The following ELAC1 variants were observed in gnomAD, a reference collection of about 807,000 sequenced individuals.
ELAC1 encodes the protein zinc phosphodiesterase ELAC protein 1.
Under a neutral mutation model 25.8 loss-of-function variants are expected in ELAC1, and 19 were observed. The observed-to-expected ratio is 0.74, with a 90% confidence interval of 0.51 to 1.08. ELAC1 has a LOEUF of 1.08. Among genes scored for constraint, ELAC1 ranks in the 50% least tolerant of loss-of-function variants. The pLI, the probability that ELAC1 is intolerant of heterozygous loss-of-function variation, is 0.00. For missense variants in ELAC1, 403 were observed against 434.6 expected (o/e 0.93, Z 0.65); for synonymous variants, 148 against 160.9 (o/e 0.92, Z 0.61).
At chr18:50,986,582 A>G in intron 3 of ELAC1, 37 bp from the exon 4 acceptor site, 1 of 1,480,498 alleles carries the variant, frequency 6.8e-7, no homozygotes, top group Non-Finnish European at 9.2e-7. Flanking sequence ...CATAAATTCC[A>G]TTCCTATGAT....
chr18:50,986,567 A>AAAG, intron 3 of ELAC1, 52 bp from the exon 4 acceptor site: 2 of 1,409,708 alleles, frequency 1.4e-6, no homozygotes, highest in South Asian at 2.7e-5. Context: ...AGACTCTTGA[A>AAAG]AAGTCATAAA....
chr18:50,986,899 G>A lies in ELAC1; in HGVS notation c.906G>A (p.Lys302=), dbSNP rs1294956245. 6.2e-7 allele frequency: 1 copy of A among 1,613,898 alleles called. No homozygotes were observed. The highest frequency in any genetic ancestry group is 1.1e-5 in the South Asian group (1 of 91,068). ...STPQMAATFA[K]LCRAKRLVLT... is the part of the protein sequence containing the mutation. The stretch of plus-strand genomic sequence containing the variant: ...CACAGATGGCAGCAACATTTGCAAA[G>A]TTGTGCCGTGCAAAGAGGCTGGTTC... Residue 302 remains lysine, a synonymous_variant, in exon 4 of 4, where the codon AAG becomes AAA. Transcript: ENST00000269466.
At chr18:50,981,334 T>G (rs1055566396) in intron 2 of ELAC1, among the ~76,000 whole-genome samples, 3 of 152,100 alleles carry the variant, frequency 2.0e-5, no homozygotes, top group Admixed American at 2.0e-4. Context: ...TATGGGAGTG[T>G]GTGTGTGTGT....
chr18:50,985,987 G>A (rs76321203), intron 3 of ELAC1, among the ~76,000 whole-genome samples: 30 of 124,802 alleles, frequency 2.4e-4, no homozygotes, highest in African/African-American at 8.3e-4. Flanking sequence ...GTAGGTACTT[G>A]TTTTGACTAG....
intron 2 of ELAC1, among the ~76,000 whole-genome samples, chr18:50,979,218 G>T (rs1907875106): frequency 6.6e-6 from 1 of 152,140 alleles, no homozygotes; most frequent in Admixed American, 6.5e-5. Flanking sequence ...AAATTTAGTG[G>T]CTTATTTGCA....
intron 3 of ELAC1, among the ~76,000 whole-genome samples, 156 bp from the exon 4 acceptor site, chr18:50,986,463 T>A (rs1298167030): frequency 6.6e-6 from 1 of 152,094 alleles, no homozygotes; most frequent in African/African-American, 2.4e-5. Flanking sequence ...ACTGAAATTT[T>A]AAAAATGTAT....
chr18:50,968,992 G>A (rs10163789), intron 1 of ELAC1: 140,830 of 152,300 alleles, frequency 0.92, 65,250 homozygotes, highest in African/African-American at 0.98. Context: ...GTAGTATTTT[G>A]AAGCAAATCT....
intron 1 of ELAC1, 114 bp from the exon 2 acceptor site, chr18:50,974,283 C>T (rs1385779892): frequency 1.1e-6 from 1 of 920,338 alleles, no homozygotes. Context: ...TATGAGAGAC[C>T]AAGAATCCAG....
chr18:50,971,910 GTGTATATA>G (rs1321718334), intron 1 of ELAC1, among the ~76,000 whole-genome samples: 38 of 64,172 alleles, frequency 5.9e-4, no homozygotes, highest in East Asian at 4.7e-3. Flanking sequence ...GTGTGTGTGT[GTGTATATA>G]TATATATATA....
At position 50,981,834 on chromosome 18, in the gene ELAC1, G is replaced by A. The variant is rs117729536; in HGVS notation, c.158-2262G>A. Among the ~76,000 whole-genome samples the A allele has an allele frequency of 7.8e-3, 1,168 of 149,988 alleles. 6 individuals carry two copies. Among genetic ancestry groups the A allele is most frequent in the Non-Finnish European group, 0.013 (855 of 67,678 alleles). On this transcript the variant is annotated intron_variant, in intron 2 of 3. Transcript: ENST00000269466. ...ACTGGGGGATCTGGACTCAGTGACT[G>A]CTATAGTTCTTTTTTTTTTTTTTTT...
At chr18:50,971,663 G>A (rs905928885) in intron 1 of ELAC1, among the ~76,000 whole-genome samples, 2 of 151,870 alleles carry the variant, frequency 1.3e-5, no homozygotes, top group African/African-American at 4.8e-5. Flanking sequence ...CCAAAATGCT[G>A]GGATTGCAGG....
intron 1 of ELAC1, among the ~76,000 whole-genome samples, chr18:50,971,912 G>GTATATATA (rs66495742): frequency 1.5e-3 from 115 of 76,522 alleles, no homozygotes; most frequent in African/African-American, 3.4e-3. Flanking sequence ...GTGTGTGTGT[G>GTATATATA]TATATATATA....
At chr18:50,976,027 G>A (rs1400479380) in intron 2 of ELAC1, among the ~76,000 whole-genome samples, 2 of 152,174 alleles carry the variant, frequency 1.3e-5, no homozygotes. Context: ...GGCATGTTGG[G>A]GAGCATTGAG....
chr18:50,975,604 G>A (rs1907780594), intron 2 of ELAC1, among the ~76,000 whole-genome samples: 3 of 151,596 alleles, frequency 2.0e-5, no homozygotes, highest in African/African-American at 7.3e-5. Context: ...TGGATAAGAC[G>A]TTTAGCAACT....
chr18:50,985,837 C>T (rs761312364), intron 3 of ELAC1, among the ~76,000 whole-genome samples: 7 of 152,016 alleles, frequency 4.6e-5, no homozygotes, highest in Middle Eastern at 3.4e-3. Context: ...TAAATTAATA[C>T]GAGATTTAAG....
intron 2 of ELAC1, among the ~76,000 whole-genome samples, chr18:50,977,166 T>C (rs1160203385): frequency 6.6e-6 from 1 of 152,202 alleles, no homozygotes; most frequent in Non-Finnish European, 1.5e-5. Context: ...GAGCTGCCAT[T>C]ATGGGTTCTG....
In ELAC1 at chr18:50,986,643, G is replaced by C. The variant is rs1908115053; in HGVS notation, c.650G>C (p.Gly217Ala). The change falls in exon 4 of 4, where the codon GGG becomes GCG. Residue 217 changes from glycine to alanine, a missense_variant. Transcript: ENST00000269466. ...GGTGTTCCACCAGGTCCTGCCTATG[G>C]GAAGCTGAAAAATGGAATTTCTGTT... The part of the protein sequence containing the change: ...DLGVPPGPAY[G>A]KLKNGISVVL... The C allele has an allele frequency of 6.2e-7, 1 of 1,612,466 alleles. No individual in the cohort carries two copies. The highest frequency in any genetic ancestry group is 1.3e-5 in the African/African-American group (1 of 74,830).
chr18:50,981,089 AC>A (rs1451475490), intron 2 of ELAC1, among the ~76,000 whole-genome samples: 32 of 116,172 alleles, frequency 2.8e-4, no homozygotes, highest in African/African-American at 9.3e-4. Context: ...ACACACCCCC[AC>A]CCCCCGCCAC....
intron 2 of ELAC1, among the ~76,000 whole-genome samples, chr18:50,979,297 G>A (rs1907878496): frequency 6.6e-6 from 1 of 152,162 alleles, no homozygotes; most frequent in African/African-American, 2.4e-5. Flanking sequence ...CTGCTTCAGG[G>A]TCTCACTAGG....
Sources: allele counts gnomAD v4.1 joint callset (sites outside exome capture counted in the v4.1 genomes callset), GRCh38; gene constraint gnomAD v4.1.1; transcripts MANE v1.5; gene names NCBI Gene and HGNC (gene_info 2026-07-23, HGNC 2026-07-21).